The following ANKDD1A variants were observed in gnomAD, a reference collection of about 807,000 sequenced individuals.
ANKDD1A encodes ankyrin repeat and death domain-containing protein 1A.
In ANKDD1A, 59 loss-of-function variants were observed where a neutral mutation model predicts 63.5. That is an observed-to-expected ratio of 0.93 (90% confidence interval 0.75 to 1.15). ANKDD1A has a LOEUF of 1.15. Ranked by LOEUF, ANKDD1A falls within the 50% of genes most tolerant of loss-of-function variation. ANKDD1A has a pLI of 0.00. For synonymous variants in ANKDD1A, 266 were observed against 263.9 expected (o/e 1.01, Z -0.08); for missense variants, 632 against 656.4 (o/e 0.96, Z 0.41).
At chr15:64,936,596 T>C (rs1320078614) in intron 9 of ANKDD1A, among the ~76,000 whole-genome samples, 1 of 152,152 alleles carries the variant, frequency 6.6e-6, no homozygotes, top group African/African-American at 2.4e-5. Flanking sequence ...CCCAACACTT[T>C]GGAAGGCTGA....
rs1566917758 is a variant in ANKDD1A, at chr15:64,953,658, T to TCTCC, written c.1484-3445_1484-3444insCTCC. Among the ~76,000 whole-genome samples, 4 of 130,802 alleles carry TCTCC rather than the reference T, an allele frequency of 3.1e-5. 1 individual carries two copies. The highest frequency in any genetic ancestry group is 6.4e-5 in the Non-Finnish European group (4 of 62,624). 85.8% of individuals were successfully genotyped at this position (130,802 alleles called of 152,430 possible). ...TCTTCTTCCTCTTCCTTCTCCTTCTTTTCTTTCTTCTCCTTCTTTTCTTCT... is the reference window on the plus strand; with the variant it reads ...TCTTCTTCCTCTTCCTTCTCCTTCTTCTCCTTCTTTCTTCTCCTTCTTTTCTTCT... On this transcript the variant is annotated intron_variant, in intron 14 of 14. Coordinates refer to ENST00000319580, the MANE Select transcript of ANKDD1A (RefSeq NM_182703.6).
At chr15:64,926,751 G>A in intron 5 of ANKDD1A, 150 bp from the exon 6 acceptor site, 2 of 751,152 alleles carry the variant, frequency 2.7e-6, no homozygotes, top group Non-Finnish European at 4.5e-6. Context: ...TCCAGGCAGG[G>A]TGTGGGGAGG....
intron 9 of ANKDD1A, among the ~76,000 whole-genome samples, chr15:64,934,743 C>T (rs1285443748): frequency 6.6e-6 from 1 of 151,170 alleles, no homozygotes; most frequent in African/African-American, 2.4e-5. Context: ...GTCTTGAACC[C>T]CTGACTCAAG....
At chr15:64,954,349 TC>T in intron 14 of ANKDD1A, among the ~76,000 whole-genome samples, 1 of 43,140 alleles carries the variant, frequency 2.3e-5, no homozygotes, top group South Asian at 9.1e-4. Context: ...CTCCTCTCCT[TC>T]TTCTCTTCTT....
At chr15:64,951,650 TCC>T (rs2085281137) in intron 14 of ANKDD1A, among the ~76,000 whole-genome samples, 6 of 140,870 alleles carry the variant, frequency 4.3e-5, no homozygotes, top group Admixed American at 2.3e-4. Context: ...CTATCTTCTT[TCC>T]TTCTATCTTC....
rs2085045008 is a variant in ANKDD1A at position 64,926,150 on chromosome 15, G to A, written c.451G>A (p.Ala151Thr). The change falls in exon 5 of 15, where the codon GCC (alanine) becomes ACC (threonine). Residue 151 changes from alanine (A) to threonine (T), a missense_variant. Coordinates refer to ENST00000319580, the MANE Select transcript of ANKDD1A (RefSeq NM_182703.6). ...CATAATGGAGGACCTGGAGGATGTG[G>A]CCCTGGACCACGTAGACAAGGTGAG... Reference protein sequence around the residue: ...AFIMEDLEDVALDHVDKLGRT... With the variant: ...AFIMEDLEDVTLDHVDKLGRT... 16 of 1,613,820 alleles carry A rather than the reference G, an allele frequency of 9.9e-6. No homozygotes were observed. The East Asian group carries it at 3.6e-4, about 36-fold the overall frequency.
At chr15:64,940,372 T>C (rs530745273) in intron 9 of ANKDD1A, among the ~76,000 whole-genome samples, 3 of 151,884 alleles carry the variant, frequency 2.0e-5, no homozygotes, top group South Asian at 2.1e-4. Flanking sequence ...CTCTCCACCA[T>C]CCATGGTGGG....
chr15:64,915,884 C>T lies in ANKDD1A; in HGVS notation c.122C>T (p.Thr41Ile), dbSNP rs373775626. 6.2e-7 allele frequency: 1 copy of T among 1,613,762 alleles called. No homozygotes were observed. The highest frequency in any genetic ancestry group is 8.5e-7 in the Non-Finnish European group (1 of 1,179,834). ...MQELIGRRVN[T>I]RARNHVGRVA... is the part of the protein sequence containing the mutation. ...GAGCTGATTGGGAGGAGGGTTAACACCAGGGCCAGAAACCACGTGCGTAAT... is the reference window on the plus strand; with the variant it reads ...GAGCTGATTGGGAGGAGGGTTAACATCAGGGCCAGAAACCACGTGCGTAAT... The change falls in exon 2 of 15, where the codon ACC (threonine) becomes ATC (isoleucine). Residue 41 changes from threonine to isoleucine, a missense_variant. Physicochemically the swap from Thr to Ile is moderately conservative, Grantham distance 89 (BLOSUM62 -1). Transcript: ENST00000319580.
chr15:64,931,822 T>A, intron 8 of ANKDD1A: 1 of 598,256 alleles, frequency 1.7e-6, no homozygotes, highest in Non-Finnish European at 3.0e-6. Context: ...TTTTACATTG[T>A]TGTGAGGATT....
At chr15:64,917,267 C>G in intron 2 of ANKDD1A, 119 bp from the exon 3 acceptor site, 1 of 1,325,590 alleles carries the variant, frequency 7.5e-7, no homozygotes, top group Non-Finnish European at 1.0e-6. Flanking sequence ...TAGCTGGGGA[C>G]CAGAGCCAGC....
chr15:64,951,737 C>T (rs1595858607), intron 14 of ANKDD1A, among the ~76,000 whole-genome samples: 5 of 53,174 alleles, frequency 9.4e-5, no homozygotes, highest in Admixed American at 1.9e-4. Flanking sequence ...CTTCTTTCCT[C>T]CTTCTTCCTC....
chr15:64,927,258 T>C (rs553529071), intron 6 of ANKDD1A, among the ~76,000 whole-genome samples: 2 of 152,188 alleles, frequency 1.3e-5, no homozygotes, highest in South Asian at 4.1e-4. Flanking sequence ...GCCACAGGCA[T>C]AGTAAGGATT....
At chr15:64,922,722 A>G (rs1366916989) in intron 4 of ANKDD1A, among the ~76,000 whole-genome samples, 2 of 151,928 alleles carry the variant, frequency 1.3e-5, no homozygotes, top group Non-Finnish European at 2.9e-5. Flanking sequence ...GCTCACTGCA[A>G]CCTCCGCCTA....
intron 3 of ANKDD1A, 69 bp from the exon 4 acceptor site, chr15:64,921,852 C>A: frequency 7.3e-7 from 1 of 1,368,034 alleles, no homozygotes; most frequent in Non-Finnish European, 1.0e-6. Flanking sequence ...AGTCATAAGG[C>A]ACAGGGCCTG....
chr15:64,954,059 C>CT (rs1566918291), intron 14 of ANKDD1A, among the ~76,000 whole-genome samples: 14 of 4,006 alleles, frequency 3.5e-3, no homozygotes, highest in Non-Finnish European at 0.019. Context: ...TTTTCTCCTT[C>CT]TTCTTTCTTC....
intron 10 of ANKDD1A, among the ~76,000 whole-genome samples, chr15:64,942,784 C>CCA (rs992797912): frequency 1.3e-5 from 2 of 151,958 alleles, no homozygotes; most frequent in African/African-American, 4.8e-5. Context: ...CAAGTTTTGG[C>CCA]CACGGTCTAT....
At chr15:64,951,544 T>TCTTTC (rs2085276830) in intron 14 of ANKDD1A, 1 of 87,174 alleles carries the variant, frequency 1.1e-5, no homozygotes, top group Non-Finnish European at 2.3e-5. Context: ...TCCCTCTTCT[T>TCTTTC]TCTTCTCTTC....
intron 9 of ANKDD1A, among the ~76,000 whole-genome samples, chr15:64,937,597 A>G (rs1426974606): frequency 2.0e-5 from 3 of 151,310 alleles, no homozygotes; most frequent in South Asian, 4.2e-4. Flanking sequence ...GTGTGGTGGC[A>G]CACGCCTGTA....
At chr15:64,950,374 A>C in intron 14 of ANKDD1A, 2 of 985,422 alleles carry the variant, frequency 2.0e-6, no homozygotes, top group Non-Finnish European at 2.4e-6. Context: ...GAACCAGTCA[A>C]ATCTGGTCAA....
Sources: allele counts gnomAD v4.1 joint callset (sites outside exome capture counted in the v4.1 genomes callset), GRCh38; gene constraint gnomAD v4.1.1; transcripts MANE v1.5; gene names NCBI Gene and HGNC (gene_info 2026-07-23, HGNC 2026-07-21).